Variants in CHST9 observed in about 807,000 individuals in gnomAD.
CHST9 encodes GalNAc-4-sulfotransferase 2.
A neutral mutation model predicts 44.4 loss-of-function variants in CHST9; 41 were observed. That is an observed-to-expected ratio of 0.92 (90% confidence interval 0.72 to 1.20). The LOEUF (loss-of-function observed/expected upper bound fraction) is 1.20. CHST9 is among the 50% of genes most tolerant of loss of function. The pLI, the probability that CHST9 is intolerant of heterozygous loss-of-function variation, is 0.00. For missense variants in CHST9, 504 were observed against 516.5 expected (o/e 0.98, Z 0.23); for synonymous variants, 171 against 178.4 (o/e 0.96, Z 0.33).
At chr18:27,179,620 T>G (rs191525021) in intron 1 of CHST9, among the ~76,000 whole-genome samples, 1 of 151,790 alleles carries the variant, frequency 6.6e-6, no homozygotes, top group African/African-American at 2.4e-5. Context: ...TAATGAAGAG[T>G]TTTTCTAAAA....
At chr18:27,171,298 A>G (rs974394165) in intron 1 of CHST9, among the ~76,000 whole-genome samples, 3 of 152,176 alleles carry the variant, frequency 2.0e-5, no homozygotes, top group African/African-American at 7.2e-5. Flanking sequence ...GGGCATGGGG[A>G]GGACATGGAT....
intron 3 of CHST9, among the ~76,000 whole-genome samples, chr18:27,038,034 C>T (rs2083614628): frequency 6.6e-6 from 1 of 151,970 alleles, no homozygotes; most frequent in South Asian, 2.1e-4. Context: ...GAAACCAGGA[C>T]CTAATACACA....
chr18:26,936,430 G>C (rs2055993738), intron 5 of CHST9: 1 of 151,754 alleles, frequency 6.6e-6, no homozygotes, highest in African/African-American at 2.4e-5. Flanking sequence ...AAAAAATACT[G>C]TATTTTAGAA....
intron 1 of CHST9, among the ~76,000 whole-genome samples, chr18:27,175,793 A>C (rs1313995751): frequency 1.3e-5 from 2 of 152,068 alleles, no homozygotes; most frequent in Non-Finnish European, 2.9e-5. Context: ...TTAGGAATAC[A>C]AGGACCATCA....
rs1179326475 is a variant in CHST9, at chr18:26,917,265, G to C, written c.326C>G (p.Thr109Arg). The C allele has an allele frequency of 2.5e-6, 4 of 1,613,628 alleles. No individual in the cohort carries two copies. The highest frequency in any genetic ancestry group is 3.4e-6 in the Non-Finnish European group (4 of 1,179,776). The change falls in exon 6 of 6, where the codon ACA becomes AGA. Residue 109 changes from threonine to arginine, a missense_variant. Coordinates refer to ENST00000618847, the MANE Select transcript of CHST9 (RefSeq NM_031422.6). ...CCCTCCTTGTGAATGACTGGTCTTT[G>C]TTAAGAGCCTAGTAGATCTCTCAGA... ...LNSERSTRLL[T>R]KTSHSQGGDQ...
At chr18:27,142,316 A>C (rs1207694181) in intron 2 of CHST9, among the ~76,000 whole-genome samples, 2 of 152,236 alleles carry the variant, frequency 1.3e-5, no homozygotes, top group African/African-American at 4.8e-5. Flanking sequence ...TTAAGACAGA[A>C]TTAAAGGAGA....
intron 2 of CHST9, among the ~76,000 whole-genome samples, chr18:27,053,121 G>GGAAGAAGAGGAA (rs1169785637): frequency 0.046 from 3,821 of 82,296 alleles, 309 homozygotes; most frequent in East Asian, 0.06. Context: ...AAGAGGAGGA[G>GGAAGAAGAGGAA]GAAGAAGAGG....
intron 2 of CHST9, among the ~76,000 whole-genome samples, chr18:27,140,437 T>TA (rs1434732258): frequency 2.6e-5 from 4 of 152,242 alleles, no homozygotes. Context: ...ATGGTATTAT[T>TA]AACCTGTTTC....
intron 4 of CHST9, among the ~76,000 whole-genome samples, chr18:26,960,069 A>T (rs1427747627): frequency 6.6e-6 from 1 of 152,178 alleles, no homozygotes; most frequent in East Asian, 1.9e-4. Context: ...TAAAGAAGTA[A>T]GTTTGGTGAG....
At chr18:27,061,496 G>A (rs1158475719) in intron 2 of CHST9, among the ~76,000 whole-genome samples, 1 of 152,130 alleles carries the variant, frequency 6.6e-6, no homozygotes, top group East Asian at 1.9e-4. Context: ...TTCACAGAAG[G>A]TGAGGAGGGC....
intron 1 of CHST9, among the ~76,000 whole-genome samples, chr18:27,183,020 A>G (rs2058925378): frequency 6.6e-6 from 1 of 152,172 alleles, no homozygotes; most frequent in Admixed American, 6.5e-5. Flanking sequence ...TCAGAGCATC[A>G]AATGCTACCC....
chr18:26,967,524 T>C (rs2056482623), intron 4 of CHST9, among the ~76,000 whole-genome samples: 1 of 152,246 alleles, frequency 6.6e-6, no homozygotes, highest in Non-Finnish European at 1.5e-5. Flanking sequence ...TATAATTTTG[T>C]GGGCAGATAA....
At chr18:27,107,963 A>G (rs1012722521) in intron 2 of CHST9, among the ~76,000 whole-genome samples, 1 of 152,124 alleles carries the variant, frequency 6.6e-6, no homozygotes, top group Non-Finnish European at 1.5e-5. Context: ...GTTATTACTC[A>G]GGGCTTGTTT....
chr18:27,071,145 G>A (rs966655784), intron 2 of CHST9, among the ~76,000 whole-genome samples: 16 of 152,084 alleles, frequency 1.1e-4, no homozygotes, highest in Admixed American at 2.0e-4. Flanking sequence ...GGGGTACCTC[G>A]CCATCCACTG....
At chr18:27,038,404 C>T (rs768969832) in intron 3 of CHST9, among the ~76,000 whole-genome samples, 10 of 151,978 alleles carry the variant, frequency 6.6e-5, no homozygotes, top group Middle Eastern at 6.8e-3. Flanking sequence ...AAATTAGCTG[C>T]GTGTGGTGGC....
intron 2 of CHST9, among the ~76,000 whole-genome samples, chr18:27,107,323 GA>G (rs1020521302): frequency 6.6e-6 from 1 of 152,166 alleles, no homozygotes; most frequent in Non-Finnish European, 1.5e-5. Context: ...AGTGGACTAG[GA>G]AAGAACAGAG....
intron 2 of CHST9, among the ~76,000 whole-genome samples, chr18:27,141,113 C>G (rs1269754492): frequency 1.3e-5 from 2 of 152,102 alleles, no homozygotes; most frequent in African/African-American, 4.8e-5. Context: ...AATCCTAGCA[C>G]TTTGGGAGGC....
intron 2 of CHST9, among the ~76,000 whole-genome samples, chr18:27,101,793 G>A (rs1479226080): frequency 6.6e-6 from 1 of 152,138 alleles, no homozygotes; most frequent in Non-Finnish European, 1.5e-5. Flanking sequence ...TATATTAGGT[G>A]TGAATATTCT....
At chr18:27,083,609 T>C (rs924031491) in intron 2 of CHST9, among the ~76,000 whole-genome samples, 2 of 152,162 alleles carry the variant, frequency 1.3e-5, no homozygotes, top group Non-Finnish European at 2.9e-5. Context: ...TTATCCAACA[T>C]TTTTTTCAGT....
Sources: allele counts gnomAD v4.1 joint callset (sites outside exome capture counted in the v4.1 genomes callset), GRCh38; gene constraint gnomAD v4.1.1; transcripts MANE v1.5; gene names NCBI Gene and HGNC (gene_info 2026-07-23, HGNC 2026-07-21).